NCOR1: variants seen among roughly 807,000 people sequenced by gnomAD.
NCOR1 encodes nuclear receptor corepressor 1.
Under a neutral mutation model 288.1 loss-of-function variants are expected in NCOR1, and 63 were observed. The ratio of observed to expected loss-of-function variants is 0.22; its 90% CI spans 0.18 to 0.27. NCOR1 has a LOEUF of 0.27. Among genes scored for constraint, NCOR1 ranks in the 10% least tolerant of loss-of-function variants. The pLI, the probability that NCOR1 is intolerant of heterozygous loss-of-function variation, is 1.00. For missense variants in NCOR1, 2,397 were observed against 3,019.2 expected (o/e 0.79, Z 4.83); for synonymous variants, 1,007 against 1,065.9 (o/e 0.94, Z 1.08).
chr17:16,126,293 A>T (rs2074029165), intron 14 of NCOR1, 87 bp from the exon 15 acceptor site: 1 of 1,301,908 alleles, frequency 7.7e-7, no homozygotes, highest in Non-Finnish European at 1.0e-6. Flanking sequence ...ATCTAAAAAA[A>T]TTTTAAATGA....
At chr17:16,113,603 TATAA>T (rs2070818746) in intron 18 of NCOR1, among the ~76,000 whole-genome samples, 1 of 152,118 alleles carries the variant, frequency 6.6e-6, no homozygotes, top group Non-Finnish European at 1.5e-5. Context: ...TGTTAAAATC[TATAA>T]TCTGGCCAGG....
chr17:16,076,472 A>G (rs1394464580), intron 26 of NCOR1, among the ~76,000 whole-genome samples: 1 of 152,220 alleles, frequency 6.6e-6, no homozygotes, highest in African/African-American at 2.4e-5. Context: ...GAGAGCAATC[A>G]TTGATGCTGA....
Position 16,064,062 on chromosome 17 carries a change from A to G in NCOR1, c.5221+6T>C. The G allele has an allele frequency of 6.2e-7, 1 of 1,613,752 alleles. No homozygotes were observed. The highest frequency in any genetic ancestry group is 8.5e-7 in the Non-Finnish European group (1 of 1,179,816). On this transcript the variant is annotated splice_donor_region_variant and intron_variant, in intron 35 of 45. Coordinates refer to ENST00000268712, the MANE Select transcript of NCOR1 (RefSeq NM_006311.4). ...AGAGAATGGAAGAGCAGTGCCTTTC[A>G]CTGACCTGGCCGCAGGTAGAGGTCG...
chr17:16,154,619 A>G (rs178657), intron 6 of NCOR1, among the ~76,000 whole-genome samples: 63,546 of 152,046 alleles, frequency 0.42, 15,148 homozygotes, highest in Middle Eastern at 0.55. Context: ...CTGGTGGGAT[A>G]TTACTAAGAA....
chr17:16,197,744 T>G (rs540053087), intron 1 of NCOR1, among the ~76,000 whole-genome samples: 3 of 152,230 alleles, frequency 2.0e-5, no homozygotes, highest in South Asian at 2.1e-4. Flanking sequence ...AGGAGCTTTC[T>G]CCTCATCCAT....
chr17:16,104,614 A>T (rs1248768677), intron 19 of NCOR1, among the ~76,000 whole-genome samples: 1 of 152,176 alleles, frequency 6.6e-6, no homozygotes, highest in Non-Finnish European at 1.5e-5. Flanking sequence ...CTACAAAAAA[A>T]TTAAAAAATT....
chr17:16,126,259 C>T, intron 14 of NCOR1, 53 bp from the exon 15 acceptor site: 1 of 1,466,330 alleles, frequency 6.8e-7, no homozygotes, highest in Non-Finnish European at 9.0e-7. Context: ...GAAATAGCTC[C>T]TTATAGTGTG....
chr17:16,029,255 GTC>G lies in NCOR1; in HGVS notation c.*3039_*3040del, dbSNP rs1971744598. Reference sequence around the variant, plus strand: ...GGAAACACTAGGAGTTTTCAGGACAGTCTCTTCATGTGGGTGTTTTCATTACA... The same window carrying G: ...GGAAACACTAGGAGTTTTCAGGACAGTCTTCATGTGGGTGTTTTCATTACA... On this transcript the variant is annotated 3_prime_UTR_variant, in exon 46 of 46. Transcript: ENST00000268712. The G allele has an allele frequency of 2.0e-5, 9 of 453,850 alleles. No individual in the cohort carries two copies. Among genetic ancestry groups the G allele is most frequent in the South Asian group, 1.4e-4 (9 of 64,376 alleles). The allele number at this position is 453,850 out of a possible 1,614,324, so 28.1% of individuals were successfully genotyped here.
chr17:16,125,695 C>T (rs2073902190), intron 15 of NCOR1, among the ~76,000 whole-genome samples: 1 of 118,382 alleles, frequency 8.4e-6, no homozygotes, highest in African/African-American at 3.5e-5. Context: ...GAGCGAGACG[C>T]CATCACAAAA....
At chr17:16,198,033 C>T (rs1421804588) in intron 1 of NCOR1, 1 of 151,866 alleles carries the variant, frequency 6.6e-6, no homozygotes, top group African/African-American at 2.4e-5. Context: ...ACTAGAAACA[C>T]ACTGTTCTGT....
At chr17:16,044,713 C>T (rs1161769613) in intron 42 of NCOR1, 7 of 716,704 alleles carry the variant, frequency 9.8e-6, no homozygotes, top group Non-Finnish European at 1.6e-5. Context: ...TCAATGCCCT[C>T]GTTAAAGCAG....
chr17:16,123,012 C>G (rs900421286), intron 15 of NCOR1, among the ~76,000 whole-genome samples: 2 of 152,136 alleles, frequency 1.3e-5, no homozygotes, highest in African/African-American at 4.8e-5. Context: ...ATAAGTTCTA[C>G]CGGGAGGACT....
intron 18 of NCOR1, among the ~76,000 whole-genome samples, chr17:16,110,783 TATTA>T (rs2069944043): frequency 6.6e-6 from 1 of 152,236 alleles, no homozygotes. Context: ...CCAACTAAAA[TATTA>T]ATTAACTCAA....
At chr17:16,103,522 G>A (rs2068010126) in intron 19 of NCOR1, among the ~76,000 whole-genome samples, 1 of 152,166 alleles carries the variant, frequency 6.6e-6, no homozygotes, top group Non-Finnish European at 1.5e-5. Context: ...GATCTGCAAG[G>A]CCTTGCCCAG....
At position 16,065,683 on chromosome 17, in the gene NCOR1, A is replaced by G; in HGVS notation, c.4753T>C (p.Tyr1585His). The G allele has an allele frequency of 6.2e-7, 1 of 1,614,210 alleles. No homozygotes were observed. The highest frequency in any genetic ancestry group is 8.5e-7 in the Non-Finnish European group (1 of 1,180,032). The change falls in exon 33 of 46, where the codon TAC becomes CAC. Residue 1585 changes from tyrosine (Y) to histidine (H), a missense_variant. Transcript: ENST00000268712. ...GGTGAAAGCTGTCTCTGAAACAGGT[A>G]AGCAGCCGCTGCTGATTGAGAGAAT... is the stretch of plus-strand genomic sequence containing the variant. ...HRALDPAAAAYLFQRQLSPTP... is the reference protein window; with the variant it reads ...HRALDPAAAAHLFQRQLSPTP...
At chr17:16,140,997 CAAA>C (rs372397821) in intron 11 of NCOR1, among the ~76,000 whole-genome samples, 1,555 of 113,718 alleles carry the variant, frequency 0.014, 52 homozygotes, top group African/African-American at 0.049. Context: ...TCTCCTATCT[CAAA>C]AAAAAAAAAA....
chr17:16,080,163 A>G, intron 25 of NCOR1, 99 bp from the exon 26 acceptor site: 3 of 1,005,840 alleles, frequency 3.0e-6, no homozygotes, highest in Non-Finnish European at 4.4e-6. Flanking sequence ...ACTAAGAAGA[A>G]AAGAAAAAAG....
At chr17:16,210,141 T>A (rs769722927) in intron 1 of NCOR1, among the ~76,000 whole-genome samples, 10 of 152,148 alleles carry the variant, frequency 6.6e-5, no homozygotes, top group Non-Finnish European at 1.2e-4. Flanking sequence ...CCCAGCACTT[T>A]GGGAGGCTGA....
intron 23 of NCOR1, 103 bp from the exon 24 acceptor site, chr17:16,080,830 A>G: frequency 8.5e-7 from 1 of 1,177,302 alleles, no homozygotes; most frequent in Non-Finnish European, 1.2e-6. Flanking sequence ...TAAAAAAAAA[A>G]AAAATTATAC....
Sources: allele counts gnomAD v4.1 joint callset (sites outside exome capture counted in the v4.1 genomes callset), GRCh38; gene constraint gnomAD v4.1.1; transcripts MANE v1.5; gene names NCBI Gene and HGNC (gene_info 2026-07-23, HGNC 2026-07-21).